Variants in CDC27 observed in about 807,000 individuals in gnomAD.
CDC27 encodes the protein cell division cycle protein 27 homolog.
CDC27 carries 27 observed loss-of-function variants against 109.7 expected under a neutral mutation model. That is an observed-to-expected ratio of 0.25 (90% CI 0.18 to 0.34). The LOEUF is 0.34. CDC27 is among the 10% of genes least tolerant of loss of function. CDC27 has a pLI of 1.00. For synonymous variants in CDC27, 266 were observed against 333.9 expected (o/e 0.80, Z 2.22); for missense variants, 579 against 960.2 (o/e 0.60, Z 5.25).
At position 47,128,484 on chromosome 17, in the gene CDC27, A is replaced by G. The variant is rs559952122; in HGVS notation, c.2160+909T>C. On this transcript the variant is annotated intron_variant, in intron 16 of 18. Transcript: ENST00000066544. ...GCTAAGCATACATAATTTGAAAAAG[A>G]GTGAGAAGTAAAGAGAAAGACACAT... Among the ~76,000 whole-genome samples, 244 of 152,306 alleles carry G rather than the reference A, an allele frequency of 1.6e-3. 1 individual carries two copies. Among genetic ancestry groups the G allele is most frequent in the Middle Eastern group, 3.4e-3 (1 of 294 alleles).
Position 47,142,386 on chromosome 17 carries a change from T to C in CDC27, c.1221A>G (p.Arg407=). The C allele has an allele frequency of 6.6e-7, 1 of 1,520,346 alleles. No individual in the cohort carries two copies. Among genetic ancestry groups the C allele is most frequent in the South Asian group, 1.2e-5 (1 of 84,722 alleles). 94.2% of individuals were successfully genotyped at this position (1,520,346 alleles called of 1,614,324 possible). A position where few individuals can be genotyped will look rare whatever the true frequency, so the allele number is the denominator to read the frequency against. ...CTTTATTAGTTTTACTTTTTGTTTTTCTGTTTGGGATTTTAGGTGGAAACT... is the reference window on the plus strand; with the variant it reads ...CTTTATTAGTTTTACTTTTTGTTTTCCTGTTTGGGATTTTAGGTGGAAACT... The part of the protein sequence containing the change: ...KMKFPPKIPN[R]KTKSKTNKGG... Residue 407 remains arginine (R), a synonymous_variant, in exon 11 of 19, where the codon AGA becomes AGG. Transcript: ENST00000066544.
chr17:47,156,872 T>C (rs941297575), intron 7 of CDC27, 41 bp downstream of exon 7: 2 of 648,850 alleles, frequency 3.1e-6, no homozygotes, highest in South Asian at 2.5e-5. Flanking sequence ...ATAAGATCAT[T>C]TGGTATTATA....
chr17:47,124,593 AT>A (rs936102770), intron 16 of CDC27, among the ~76,000 whole-genome samples: 104 of 152,094 alleles, frequency 6.8e-4, no homozygotes, highest in Non-Finnish European at 1.3e-3. Flanking sequence ...CCAGTGATTT[AT>A]TTTTTAACGA....
rs1270467302 is a variant in CDC27 at position 47,133,120 on chromosome 17, T to C, written c.1914-746A>G. ...ACACAAATATACATATATATATATA[T>C]ATATATATATATATATAATATATAT... On this transcript the variant is annotated intron_variant, in intron 14 of 18. Transcript: ENST00000066544. 2.7e-4 allele frequency among the ~76,000 whole-genome samples: 37 copies of C among 134,910 alleles called. 2 individuals carry two copies. In the East Asian group the frequency reaches 7.7e-3, roughly 28 times the overall value. 88.5% of individuals were successfully genotyped at this position (134,910 alleles called of 152,430 possible). A position where few individuals can be genotyped will look rare whatever the true frequency, so the allele number is the denominator to read the frequency against.
intron 4 of CDC27, among the ~76,000 whole-genome samples, chr17:47,162,893 T>C (rs1007109407): frequency 1.3e-5 from 2 of 152,202 alleles, no homozygotes; most frequent in Admixed American, 6.5e-5. Flanking sequence ...GATAGATATA[T>C]GTATAAATCA....
chr17:47,142,720 G>T (rs1208762352), intron 10 of CDC27, among the ~76,000 whole-genome samples: 1 of 152,106 alleles, frequency 6.6e-6, no homozygotes, highest in Non-Finnish European at 1.5e-5. Context: ...TTAAAAGTAA[G>T]AAAATAAGTA....
At chr17:47,160,493 T>C (rs1304383076) in intron 4 of CDC27, among the ~76,000 whole-genome samples, 2 of 152,186 alleles carry the variant, frequency 1.3e-5, no homozygotes, top group Non-Finnish European at 2.9e-5. Flanking sequence ...CCCAAAGTGT[T>C]GGGATTACAG....
intron 18 of CDC27, among the ~76,000 whole-genome samples, chr17:47,121,249 C>G (rs2061974395): frequency 6.6e-6 from 1 of 151,980 alleles, no homozygotes; most frequent in Non-Finnish European, 1.5e-5. Context: ...CCAAAACTGC[C>G]TCTTCCTAAT....
chr17:47,164,979 C>T (rs1226044999), intron 4 of CDC27, among the ~76,000 whole-genome samples: 1 of 152,146 alleles, frequency 6.6e-6, no homozygotes, highest in African/African-American at 2.4e-5. Flanking sequence ...AAAGAAACCC[C>T]TAAATAGTTA....
At chr17:47,126,595 G>A (rs373126557) in intron 16 of CDC27, among the ~76,000 whole-genome samples, 28 of 152,280 alleles carry the variant, frequency 1.8e-4, no homozygotes, top group African/African-American at 6.5e-4. Context: ...GTTTCTTGAA[G>A]CAAGTAAACG....
intron 17 of CDC27, among the ~76,000 whole-genome samples, chr17:47,122,865 G>C (rs1190535546): frequency 6.6e-6 from 1 of 151,982 alleles, no homozygotes; most frequent in Non-Finnish European, 1.5e-5. Context: ...GTAGAGACAG[G>C]GTTTTGCCAT....
intron 2 of CDC27, among the ~76,000 whole-genome samples, chr17:47,173,913 C>T (rs973369316): frequency 5.3e-5 from 8 of 151,930 alleles, no homozygotes; most frequent in African/African-American, 1.9e-4. Context: ...GCCAACATGG[C>T]GAAACCCCGT....
chr17:47,118,086 C>T lies in CDC27; in HGVS notation c.*2849G>A, dbSNP rs1182768348. ...ACATTGTTTCAATGCAAACAGAACA[C>T]ACACTTCATACCCACACTTGCATTT... is the stretch of plus-strand genomic sequence containing the variant. On this transcript the variant is annotated 3_prime_UTR_variant, in exon 19 of 19. Transcript: ENST00000066544. 2 of 152,148 alleles carry T rather than the reference C, an allele frequency of 1.3e-5. No individual in the cohort carries two copies. Among genetic ancestry groups the T allele is most frequent in the Non-Finnish European group, 1.5e-5 (1 of 68,022 alleles). 9.4% of individuals were successfully genotyped at this position (152,148 alleles called of 1,614,324 possible).
chr17:47,148,271 A>T (rs2063041539), intron 9 of CDC27, among the ~76,000 whole-genome samples: 1 of 152,180 alleles, frequency 6.6e-6, no homozygotes, highest in African/African-American at 2.4e-5. Context: ...CAATAAAAAA[A>T]CAAAACAAAA....
At chr17:47,177,812 GTCTGGTTGATTT>G in intron 2 of CDC27, among the ~76,000 whole-genome samples, 1 of 151,966 alleles carries the variant, frequency 6.6e-6, no homozygotes, top group Admixed American at 6.5e-5. Flanking sequence ...CAAAACTTAT[GTCTGGTTGATTT>G]TCTGAACATA....
chr17:47,179,318 T>A (rs974323390), intron 2 of CDC27, among the ~76,000 whole-genome samples: 5 of 125,918 alleles, frequency 4.0e-5, no homozygotes, highest in African/African-American at 1.4e-4. Flanking sequence ...ATCTAGCATA[T>A]CAACTGATAT....
chr17:47,143,857 G>A, intron 10 of CDC27, 26 bp downstream of exon 10: 2 of 1,123,010 alleles, frequency 1.8e-6, no homozygotes, highest in Non-Finnish European at 2.5e-6. Flanking sequence ...TTAAGTAAAT[G>A]TGACATACAG....
intron 9 of CDC27, among the ~76,000 whole-genome samples, chr17:47,150,641 C>T (rs2063126039): frequency 6.6e-6 from 1 of 152,170 alleles, no homozygotes; most frequent in African/African-American, 2.4e-5. Flanking sequence ...TTTTAAGACA[C>T]TAAGTTGTGG....
chr17:47,149,407 A>G (rs1284203149), intron 9 of CDC27, among the ~76,000 whole-genome samples: 4 of 149,966 alleles, frequency 2.7e-5, no homozygotes, highest in Non-Finnish European at 5.9e-5. Flanking sequence ...GCTACTCGGG[A>G]GGCTGAGGCA....
Sources: gnomAD v4.1 joint callset for allele counts (sites outside exome capture counted in the v4.1 genomes callset) on GRCh38, gnomAD v4.1.1 for gene constraint, MANE v1.5 for transcripts, NCBI Gene and HGNC (gene_info 2026-07-23, HGNC 2026-07-21) for gene names.